TRPM7: variants seen among roughly 807,000 people sequenced by gnomAD.
The protein encoded by TRPM7 is LTRPC ion channel family member 7.
A neutral mutation model predicts 229.7 loss-of-function variants in TRPM7; 134 were observed. The ratio of observed to expected loss-of-function variants is 0.58; its 90% confidence interval spans 0.51 to 0.67. The LOEUF is 0.67. Ranked by LOEUF, TRPM7 falls within the 30% of genes least tolerant of loss-of-function variation. The pLI, the probability that TRPM7 is intolerant of heterozygous loss-of-function variation, is 0.00. For synonymous variants in TRPM7, 699 were observed against 715.2 expected, an observed-to-expected ratio of 0.98 and a Z score of 0.36; for missense variants, 1,901 against 2,210.0, an observed-to-expected ratio of 0.86 and a Z score of 2.80.
chr15:50,582,585 T>A (rs560780647), intron 29 of TRPM7: 1 of 152,362 alleles, frequency 6.6e-6, no homozygotes, highest in Non-Finnish European at 1.5e-5. Context: ...CTTTGTTAAC[T>A]AACCTCTTTC....
At position 50,557,924 on chromosome 15, in the gene TRPM7, G is replaced by GTT. The variant is rs1244962257; in HGVS notation, c.*3753_*3754insAA. 6.6e-6 allele frequency: 1 copy of GTT among 152,216 alleles called. No homozygotes were observed. Among genetic ancestry groups the GTT allele is most frequent in the East Asian group, 1.9e-4 (1 of 5,204 alleles). The allele number at this position is 152,216 out of a possible 1,614,324, so 9.4% of individuals were successfully genotyped here. On this transcript the variant is annotated 3_prime_UTR_variant, in exon 39 of 39. Coordinates refer to ENST00000646667, the MANE Select transcript of TRPM7 (RefSeq NM_017672.6). ...CTCCCAAAGTGATGGAATTACAGGC[G>GTT]TGAGCCACTGCACCTGGCCGAGAAT... is the stretch of plus-strand genomic sequence containing the variant.
intron 1 of TRPM7, among the ~76,000 whole-genome samples, chr15:50,679,925 G>C (rs992017701): frequency 2.5e-4 from 38 of 152,078 alleles, no homozygotes; most frequent in African/African-American, 9.2e-4. Flanking sequence ...CAGAGTATGT[G>C]TCTCTGCACT....
At chr15:50,572,558 C>A (rs1174601574) in intron 36 of TRPM7, among the ~76,000 whole-genome samples, 11 of 152,182 alleles carry the variant, frequency 7.2e-5, no homozygotes, top group Non-Finnish European at 1.6e-4. Flanking sequence ...CCAAAAAATT[C>A]ATGTGATATG....
At chr15:50,685,267 G>A (rs992205136) in intron 1 of TRPM7, among the ~76,000 whole-genome samples, 5 of 152,130 alleles carry the variant, frequency 3.3e-5, no homozygotes, top group African/African-American at 7.2e-5. Flanking sequence ...ATTAAGAGAC[G>A]AGCCTGCCAA....
At chr15:50,581,022 T>C (rs559179322) in intron 29 of TRPM7, 114 bp from the exon 30 acceptor site, 60 of 865,004 alleles carry the variant, frequency 6.9e-5, no homozygotes, top group African/African-American at 6.8e-4. Context: ...GCCAAAAAAC[T>C]AACATACAGT....
intron 2 of TRPM7, among the ~76,000 whole-genome samples, chr15:50,660,834 T>A (rs8035534): frequency 2.6e-5 from 4 of 151,938 alleles, no homozygotes; most frequent in African/African-American, 9.7e-5. Context: ...ATCTTAAATA[T>A]AAAAAAGGTT....
rs769607143 is a variant in TRPM7, at chr15:50,604,961, AAATT to A, written c.2889_2892del (p.Leu963PhefsTer6). 6.2e-7 allele frequency: 1 copy of A among 1,613,964 alleles called. No homozygotes were observed. Among genetic ancestry groups the A allele is most frequent in the South Asian group, 1.1e-5 (1 of 91,072 alleles). Reference sequence around the variant, plus strand: ...TACCAAAATATTATGTTAAGACAGTAAATTAATCTTCCAGCCACAAAAACATGAT... The same window carrying A: ...TACCAAAATATTATGTTAAGACAGTAAATCTTCCAGCCACAAAAACATGAT... On this transcript the variant is annotated frameshift_variant, in exon 21 of 39. Transcript: ENST00000646667. LOFTEE classifies it high-confidence loss of function.
chr15:50,681,482 T>G (rs942578714), intron 1 of TRPM7, among the ~76,000 whole-genome samples: 1 of 152,180 alleles, frequency 6.6e-6, no homozygotes, highest in Non-Finnish European at 1.5e-5. Context: ...CTAGTCTAAT[T>G]ATGTTTCTCC....
chr15:50,603,911 C>T (rs1032606805), intron 21 of TRPM7: 6 of 152,122 alleles, frequency 3.9e-5, no homozygotes, highest in African/African-American at 1.4e-4. Context: ...GAAACAAACA[C>T]ATGTGTTCAT....
At chr15:50,624,712 T>C (rs1186875414) in intron 11 of TRPM7, among the ~76,000 whole-genome samples, 1 of 151,620 alleles carries the variant, frequency 6.6e-6, no homozygotes, top group East Asian at 2.0e-4. Flanking sequence ...TCAGAAATCA[T>C]GCAATATGCT....
intron 21 of TRPM7, 75 bp from the exon 22 acceptor site, chr15:50,599,371 G>T (rs1249660141): frequency 9.8e-6 from 11 of 1,124,924 alleles, no homozygotes; most frequent in Admixed American, 7.9e-5. Context: ...AGCTTCTAAT[G>T]TTCTAATAGA....
chr15:50,668,014 G>C (rs1363099257), intron 1 of TRPM7, among the ~76,000 whole-genome samples: 1 of 152,114 alleles, frequency 6.6e-6, no homozygotes. Flanking sequence ...TTAAATTATT[G>C]TGTGCCACAA....
At chr15:50,653,714 T>C (rs1243724086) in intron 3 of TRPM7, among the ~76,000 whole-genome samples, 2 of 152,116 alleles carry the variant, frequency 1.3e-5, no homozygotes, top group Non-Finnish European at 1.5e-5. Context: ...CAGTTGGAAT[T>C]TGTAGCAGAG....
At chr15:50,593,320 A>C (rs549983572) in intron 25 of TRPM7, among the ~76,000 whole-genome samples, 18 of 151,934 alleles carry the variant, frequency 1.2e-4, no homozygotes, top group East Asian at 5.8e-4. Flanking sequence ...TAATAATAAT[A>C]ATGATGATAA....
chr15:50,646,405 C>T (rs907489886), intron 4 of TRPM7, among the ~76,000 whole-genome samples: 2 of 152,082 alleles, frequency 1.3e-5, no homozygotes, highest in African/African-American at 4.8e-5. Flanking sequence ...GCTTCAGGCT[C>T]CCAAGTAGCT....
At chr15:50,614,077 T>C (rs1314544801) in intron 14 of TRPM7, 46 bp downstream of exon 14, 1 of 1,514,486 alleles carries the variant, frequency 6.6e-7, no homozygotes, top group Admixed American at 2.0e-5. Context: ...AGTGCATGTG[T>C]TAATATTAAA....
intron 31 of TRPM7, among the ~76,000 whole-genome samples, chr15:50,576,127 C>T (rs62017164): frequency 0.15 from 22,215 of 152,134 alleles, 2,212 homozygotes; most frequent in Admixed American, 0.28. Flanking sequence ...ATTTAGACAC[C>T]TACAAGTGAA....
chr15:50,637,183 A>G (rs1014745783), intron 7 of TRPM7, among the ~76,000 whole-genome samples: 3 of 152,126 alleles, frequency 2.0e-5, no homozygotes, highest in East Asian at 3.8e-4. Context: ...TGGAATTGCA[A>G]TAACAACAGA....
intron 12 of TRPM7, among the ~76,000 whole-genome samples, chr15:50,623,493 T>C (rs8025206): frequency 0.39 from 27,130 of 69,982 alleles, 4,542 homozygotes; most frequent in African/African-American, 0.55. Flanking sequence ...CCCCGCCCCC[T>C]CCCCGCCCCG....
Sources: allele counts gnomAD v4.1 joint callset (sites outside exome capture counted in the v4.1 genomes callset), GRCh38; gene constraint gnomAD v4.1.1; transcripts MANE v1.5; gene names NCBI Gene and HGNC (gene_info 2026-07-23, HGNC 2026-07-21).